GOLPH3L: variants seen among roughly 807,000 people sequenced by gnomAD.
The protein encoded by GOLPH3L is golgi phosphoprotein 3 like, also known as Golgi phosphoprotein 3-like.
GOLPH3L carries 22 observed loss-of-function variants against 30.3 expected under a neutral mutation model. That is an observed-to-expected ratio of 0.73 (90% CI 0.52 to 1.04). GOLPH3L has a LOEUF of 1.04. Ranked by LOEUF, GOLPH3L falls within the 50% of genes least tolerant of loss-of-function variation. The pLI is 0.00. For missense variants in GOLPH3L, 303 were observed against 345.8 expected (o/e 0.88, Z 0.98); for synonymous variants, 120 against 128.2 (o/e 0.94, Z 0.43).
chr1:150,694,842 C>A lies in GOLPH3L; in HGVS notation c.-4G>T. ...CCCGGTGAGTTAAAGTGGTCATTCT[C>A]ACCTGTTTCTGGAGGGAGTGGTGAA... On this transcript the variant is annotated 5_prime_UTR_variant, in exon 2 of 5. Coordinates refer to ENST00000271732, the MANE Select transcript of GOLPH3L (RefSeq NM_018178.6). The A allele has an allele frequency of 1.3e-6, 2 of 1,591,200 alleles. No individual in the cohort carries two copies. The highest frequency in any genetic ancestry group is 2.7e-5 in the African/African-American group (2 of 73,520).
rs587709694 is a variant in GOLPH3L at position 150,690,824 on chromosome 1, C to T, written c.183+3832G>A. ...TTTACTGCCTTTTTCTATTCTTCCC[C>T]GGATTACTCTATCTCATGATGGTTT... is the stretch of plus-strand genomic sequence containing the variant. On this transcript the variant is annotated intron_variant, in intron 2 of 4. Transcript: ENST00000271732. Among the ~76,000 whole-genome samples the T allele has an allele frequency of 9.2e-5, 14 of 152,244 alleles. No homozygotes were observed. In the East Asian group the frequency reaches 2.5e-3, roughly 27 times the overall value.
At chr1:150,692,608 G>T (rs931865103) in intron 2 of GOLPH3L, among the ~76,000 whole-genome samples, 2 of 152,098 alleles carry the variant, frequency 1.3e-5, no homozygotes, top group Admixed American at 1.3e-4. Flanking sequence ...GCCCAGGCTG[G>T]TCTTGAACTC....
rs1459838579 is a variant in GOLPH3L, at chr1:150,648,285, G to C, written c.*36C>G. The C allele has an allele frequency of 4.1e-6, 6 of 1,449,626 alleles. No homozygotes were observed. The highest frequency in any genetic ancestry group is 3.8e-5 in the South Asian group (3 of 78,106). The allele number at this position is 1,449,626 out of a possible 1,614,324, so 89.8% of individuals were successfully genotyped here. A position where few individuals can be genotyped will look rare whatever the true frequency, so the allele number is the denominator to read the frequency against. ...GTGATGGGGTCTCTGACAGTCACCAGCCAGCAGGGGAAAAGGAGAAATCCA... is the reference window on the plus strand; with the variant it reads ...GTGATGGGGTCTCTGACAGTCACCACCCAGCAGGGGAAAAGGAGAAATCCA... On this transcript the variant is annotated 3_prime_UTR_variant, in exon 5 of 5. Coordinates refer to ENST00000271732, the MANE Select transcript of GOLPH3L (RefSeq NM_018178.6).
At chr1:150,689,748 G>A in intron 2 of GOLPH3L, among the ~76,000 whole-genome samples, 1 of 151,908 alleles carries the variant, frequency 6.6e-6, no homozygotes, top group East Asian at 1.9e-4. Flanking sequence ...GGGTTCAAGA[G>A]ATTCTCCCAT....
rs1202244927 is a variant in GOLPH3L at position 150,697,133 on chromosome 1, C to A, written c.-154G>T. On this transcript the variant is annotated 5_prime_UTR_variant, in exon 1 of 5. Transcript: ENST00000271732. Reference sequence around the variant, plus strand: ...AGAGAGCACAAACTTCCTGATCCTTCGATGCAGAGAAGGAATAACACATCA... The same window carrying A: ...AGAGAGCACAAACTTCCTGATCCTTAGATGCAGAGAAGGAATAACACATCA... The A allele has an allele frequency of 6.6e-6, 1 of 151,630 alleles. No homozygotes were observed. The highest frequency in any genetic ancestry group is 2.4e-5 in the African/African-American group (1 of 41,192). The allele number at this position is 151,630 out of a possible 1,614,324, so 9.4% of individuals were successfully genotyped here. A position where few individuals can be genotyped will look rare whatever the true frequency, so the allele number is the denominator to read the frequency against.
chr1:150,669,313 T>C (rs945051269), intron 2 of GOLPH3L, among the ~76,000 whole-genome samples: 1 of 152,168 alleles, frequency 6.6e-6, no homozygotes, highest in Non-Finnish European at 1.5e-5. Context: ...TATAGTAATA[T>C]TTAGAACAGA....
intron 2 of GOLPH3L, among the ~76,000 whole-genome samples, chr1:150,681,229 G>A (rs1650939615): frequency 6.6e-6 from 1 of 152,062 alleles, no homozygotes; most frequent in African/African-American, 2.4e-5. Flanking sequence ...AAGAATGAAG[G>A]GAAAAAATGT....
intron 4 of GOLPH3L, among the ~76,000 whole-genome samples, chr1:150,650,819 A>T (rs1011404981): frequency 1.3e-5 from 2 of 152,210 alleles, no homozygotes; most frequent in African/African-American, 4.8e-5. Context: ...TTTTGACAAA[A>T]AAGTATGAAG....
intron 4 of GOLPH3L, among the ~76,000 whole-genome samples, chr1:150,653,766 T>C (rs1056373045): frequency 2.0e-5 from 3 of 151,446 alleles, no homozygotes; most frequent in Non-Finnish European, 2.9e-5. Flanking sequence ...CAACTATCTT[T>C]TGTTTTTTTT....
chr1:150,682,755 T>G (rs587631154), intron 2 of GOLPH3L, among the ~76,000 whole-genome samples: 2 of 151,930 alleles, frequency 1.3e-5, no homozygotes, highest in South Asian at 4.2e-4. Flanking sequence ...AGACAAATTT[T>G]AAAAACTAAC....
chr1:150,657,534 G>A (rs1175864904), intron 4 of GOLPH3L, among the ~76,000 whole-genome samples: 1 of 152,200 alleles, frequency 6.6e-6, no homozygotes, highest in Admixed American at 6.5e-5. Flanking sequence ...TTATGTACAC[G>A]TATGTGTGGA....
chr1:150,664,448 T>G (rs1279271053), intron 2 of GOLPH3L, among the ~76,000 whole-genome samples: 1 of 152,062 alleles, frequency 6.6e-6, no homozygotes, highest in Non-Finnish European at 1.5e-5. Flanking sequence ...ATGTATTAAT[T>G]TGAAGTTCTT....
Position 150,694,791 on chromosome 1 carries a change from GTTCT to G in GOLPH3L, c.44_47del (p.Lys15ThrfsTer42). On this transcript the variant is annotated frameshift_variant, in exon 2 of 5. Transcript: ENST00000271732. LOFTEE classifies it high-confidence loss of function. ...CCTCACTTTCCATCTTCTTTTCAGAGTTCTTGCTTATTTCAGTGCGACGGGCCCG... is the reference window on the plus strand; with the variant it reads ...CCTCACTTTCCATCTTCTTTTCAGAGTGCTTATTTCAGTGCGACGGGCCCG... 1 of 1,612,936 alleles carries G rather than the reference GTTCT, an allele frequency of 6.2e-7. No individual in the cohort carries two copies. Among genetic ancestry groups the G allele is most frequent in the South Asian group, 1.1e-5 (1 of 90,978 alleles).
intron 2 of GOLPH3L, among the ~76,000 whole-genome samples, chr1:150,686,368 G>T (rs1041646205): frequency 6.6e-6 from 1 of 151,900 alleles, no homozygotes; most frequent in African/African-American, 2.4e-5. Context: ...GTTCACGCAG[G>T]GCTGTTTTCA....
chr1:150,661,918 T>A lies in GOLPH3L; in HGVS notation c.326A>T (p.Lys109Met). Residue 109 changes from lysine to methionine, a missense_variant, in exon 4 of 5, where the codon AAG becomes ATG. Coordinates refer to ENST00000271732, the MANE Select transcript of GOLPH3L (RefSeq NM_018178.6). ...AACATCACCTGTTGGGCTGTCTGAC[T>A]TTAGCAGTACCTTTGAGAAAAGGAG... ...KRLLDRKVLL[K>M]SDSPTGDVLL... 1 of 1,498,140 alleles carries A rather than the reference T, an allele frequency of 6.7e-7. No individual in the cohort carries two copies. 92.8% of individuals were successfully genotyped at this position (1,498,140 alleles called of 1,614,324 possible).
intron 2 of GOLPH3L, among the ~76,000 whole-genome samples, chr1:150,667,337 CTCTAAT>C (rs1650530591): frequency 6.6e-6 from 1 of 152,072 alleles, no homozygotes; most frequent in African/African-American, 2.4e-5. Context: ...GCTAGAGGAC[CTCTAAT>C]TCTATTTGTC....
chr1:150,670,841 C>T (rs1650627349), intron 2 of GOLPH3L, among the ~76,000 whole-genome samples: 1 of 152,182 alleles, frequency 6.6e-6, no homozygotes, highest in Non-Finnish European at 1.5e-5. Flanking sequence ...ACTTCTTCAT[C>T]CCTTGTAATG....
At chr1:150,653,816 G>A (rs112580485) in intron 4 of GOLPH3L, among the ~76,000 whole-genome samples, 8,006 of 150,710 alleles carry the variant, frequency 0.053, 294 homozygotes, top group Middle Eastern at 0.09. Flanking sequence ...AGGCTGGAGT[G>A]CAGCGGCACA....
chr1:150,693,327 G>A (rs1335081153), intron 2 of GOLPH3L, among the ~76,000 whole-genome samples: 2 of 152,150 alleles, frequency 1.3e-5, no homozygotes, highest in Non-Finnish European at 2.9e-5. Flanking sequence ...AAGAAGAGCT[G>A]TTACTACTTG....
Sources: allele counts gnomAD v4.1 joint callset (sites outside exome capture counted in the v4.1 genomes callset), GRCh38; gene constraint gnomAD v4.1.1; transcripts MANE v1.5; gene names NCBI Gene and HGNC (gene_info 2026-07-23, HGNC 2026-07-21).